The following TAFA4 variants were observed in gnomAD, a reference collection of about 807,000 sequenced individuals.
TAFA4 encodes chemokine-like protein TAFA-4.
In TAFA4, 20 loss-of-function variants were observed where a neutral mutation model predicts 21.1. The ratio of observed to expected loss-of-function variants is 0.95; its 90% CI spans 0.67 to 1.38. The LOEUF (loss-of-function observed/expected upper bound fraction) is 1.38, where lower values mean the gene tolerates loss of function less well. Among genes scored for constraint, TAFA4 ranks in the 40% most tolerant of loss-of-function variants. The pLI, the probability that TAFA4 is intolerant of heterozygous loss-of-function variation, is 0.00. For synonymous variants in TAFA4, 71 were observed against 67.4 expected, an observed-to-expected ratio of 1.05 and a Z score of -0.26; for missense variants, 211 against 180.9, an observed-to-expected ratio of 1.17 and a Z score of -0.95.
At chr3:68,856,316 C>T (rs1353603731) in intron 3 of TAFA4, among the ~76,000 whole-genome samples, 2 of 152,080 alleles carry the variant, frequency 1.3e-5, no homozygotes, top group Non-Finnish European at 2.9e-5. Flanking sequence ...AATAAGAATG[C>T]TTTATTATTT....
At chr3:68,808,780 A>C (rs1238989787) in intron 3 of TAFA4, among the ~76,000 whole-genome samples, 3 of 152,186 alleles carry the variant, frequency 2.0e-5, no homozygotes, top group African/African-American at 7.2e-5. Context: ...AAAAAGCCCA[A>C]AATATCAATG....
At chr3:68,886,296 T>C (rs896623898) in intron 1 of TAFA4, among the ~76,000 whole-genome samples, 2 of 152,184 alleles carry the variant, frequency 1.3e-5, no homozygotes, top group African/African-American at 4.8e-5. Flanking sequence ...TAAGAGAGTA[T>C]GGGCCTTGAG....
At chr3:68,753,334 G>GTTTTTTTTTTT (rs4065540) in intron 3 of TAFA4, among the ~76,000 whole-genome samples, 1 of 114,482 alleles carries the variant, frequency 8.7e-6, no homozygotes, top group African/African-American at 3.4e-5. Context: ...GATTGATAGA[G>GTTTTTTTTTTT]TTTTTTTTTT....
intron 1 of TAFA4, among the ~76,000 whole-genome samples, chr3:68,894,802 AG>A (rs1447141731): frequency 1.3e-5 from 2 of 152,212 alleles, no homozygotes; most frequent in African/African-American, 4.8e-5. Context: ...GAACAGTAAA[AG>A]TAAAGATGGA....
At chr3:68,748,571 G>A (rs920780992) in intron 4 of TAFA4, among the ~76,000 whole-genome samples, 1 of 152,048 alleles carries the variant, frequency 6.6e-6, no homozygotes, top group African/African-American at 2.4e-5. Flanking sequence ...GGAGACCCCC[G>A]TCTCTACTAA....
intron 3 of TAFA4, among the ~76,000 whole-genome samples, chr3:68,867,320 T>G (rs1327864634): frequency 6.6e-6 from 1 of 152,084 alleles, no homozygotes; most frequent in African/African-American, 2.4e-5. Context: ...CCAAGAATAC[T>G]GCACCCAGAA....
chr3:68,909,382 C>A (rs1039894414), intron 1 of TAFA4, among the ~76,000 whole-genome samples: 1 of 152,152 alleles, frequency 6.6e-6, no homozygotes, highest in Non-Finnish European at 1.5e-5. Flanking sequence ...GAGGGCAGGA[C>A]CTGTCGTCAC....
chr3:68,786,025 G>C (rs1703252899), intron 3 of TAFA4, among the ~76,000 whole-genome samples: 1 of 152,126 alleles, frequency 6.6e-6, no homozygotes, highest in Non-Finnish European at 1.5e-5. Flanking sequence ...CCATCAATAG[G>C]GGACTGGTTA....
At chr3:68,792,122 AC>A (rs1192028201) in intron 3 of TAFA4, among the ~76,000 whole-genome samples, 3 of 152,170 alleles carry the variant, frequency 2.0e-5, no homozygotes, top group African/African-American at 7.2e-5. Context: ...TGCCATCAAA[AC>A]CCATCTTTGC....
At position 68,786,171 on chromosome 3, in the gene TAFA4, T is replaced by G. The variant is rs557373413; in HGVS notation, c.131-33153A>C. On this transcript the variant is annotated intron_variant, in intron 3 of 5. Transcript: ENST00000295569. Reference sequence around the variant, plus strand: ...TTGTGTTTTTTTAAAAAAGTAGATATAAGTTTAGAAAAGTACTGGAGGACA... The same window carrying G: ...TTGTGTTTTTTTAAAAAAGTAGATAGAAGTTTAGAAAAGTACTGGAGGACA... Among the ~76,000 whole-genome samples the G allele has an allele frequency of 2.0e-5, 3 of 152,304 alleles. No individual in the cohort carries two copies. The South Asian group carries it at 6.2e-4, about 32-fold the overall frequency.
intron 4 of TAFA4, among the ~76,000 whole-genome samples, chr3:68,743,907 C>T (rs1398971955): frequency 6.6e-6 from 1 of 152,162 alleles, no homozygotes; most frequent in Admixed American, 6.5e-5. Flanking sequence ...TTACTATACT[C>T]ATAGTGTTGA....
intron 3 of TAFA4, among the ~76,000 whole-genome samples, chr3:68,816,449 T>C (rs1703978231): frequency 6.6e-6 from 1 of 152,236 alleles, no homozygotes; most frequent in Admixed American, 6.5e-5. Context: ...AGTAAATTTA[T>C]CCTTATATAT....
chr3:68,916,962 G>A (rs972486912), intron 1 of TAFA4, among the ~76,000 whole-genome samples: 7 of 152,176 alleles, frequency 4.6e-5, no homozygotes, highest in African/African-American at 1.7e-4. Context: ...ACATAGTCCT[G>A]ATTCTGTACA....
At chr3:68,807,625 G>A (rs1703732248) in intron 3 of TAFA4, among the ~76,000 whole-genome samples, 2 of 152,190 alleles carry the variant, frequency 1.3e-5, no homozygotes, top group Non-Finnish European at 2.9e-5. Flanking sequence ...CTTAGATCCT[G>A]ACTTGACTTT....
chr3:68,803,094 C>T (rs1053947117), intron 3 of TAFA4, among the ~76,000 whole-genome samples: 7 of 152,072 alleles, frequency 4.6e-5, no homozygotes, highest in Non-Finnish European at 5.9e-5. Flanking sequence ...AAATGTCCTT[C>T]GTTGCCAAAT....
At chr3:68,806,471 T>C (rs1703701378) in intron 3 of TAFA4, among the ~76,000 whole-genome samples, 1 of 152,202 alleles carries the variant, frequency 6.6e-6, no homozygotes, top group African/African-American at 2.4e-5. Context: ...TATTAAGCCT[T>C]TTGTAATAAA....
chr3:68,815,517 A>T (rs912928823), intron 3 of TAFA4, among the ~76,000 whole-genome samples: 1 of 152,264 alleles, frequency 6.6e-6, no homozygotes, highest in Admixed American at 6.5e-5. Context: ...ATGAACAGAC[A>T]CTTCTCAAAA....
chr3:68,832,486 G>A (rs563374269), intron 3 of TAFA4, among the ~76,000 whole-genome samples: 7 of 152,272 alleles, frequency 4.6e-5, no homozygotes, highest in African/African-American at 7.2e-5. Flanking sequence ...ACTCCAGACC[G>A]TGTTTGCCTG....
At position 68,826,554 on chromosome 3, in the gene TAFA4, C is replaced by A. The variant is rs190170374; in HGVS notation, c.130+54176G>T. On this transcript the variant is annotated intron_variant, in intron 3 of 5. Coordinates refer to ENST00000295569, the MANE Select transcript of TAFA4 (RefSeq NM_182522.5). Reference sequence around the variant, plus strand: ...CGCCACCGCACTCCAGCCTGGGCAACAGAGCGAGACTCTGCCTCAAAAAAA... The same window carrying A: ...CGCCACCGCACTCCAGCCTGGGCAAAAGAGCGAGACTCTGCCTCAAAAAAA... Among the ~76,000 whole-genome samples, 43 of 122,968 alleles carry A rather than the reference C, an allele frequency of 3.5e-4. No homozygotes were observed. The East Asian group carries it at 4.2e-3, about 12-fold the overall frequency. The allele number at this position is 122,968 out of a possible 152,430, so 80.7% of individuals were successfully genotyped here.
Sources: allele counts gnomAD v4.1 joint callset (sites outside exome capture counted in the v4.1 genomes callset), GRCh38; gene constraint gnomAD v4.1.1; transcripts MANE v1.5; gene names NCBI Gene and HGNC (gene_info 2026-07-23, HGNC 2026-07-21).